Variants in GALK2 observed in about 807,000 individuals in gnomAD.
GALK2 encodes galactokinase 2.
GALK2 carries 36 observed loss-of-function variants against 52.4 expected under a neutral mutation model. The ratio of observed to expected loss-of-function variants is 0.69; its 90% confidence interval spans 0.53 to 0.91. The LOEUF is 0.91. GALK2 is among the 40% of genes least tolerant of loss of function. The pLI is 0.00. For synonymous variants in GALK2, 176 were observed against 199.1 expected (o/e 0.88, Z 0.98); for missense variants, 579 against 559.1 (o/e 1.04, Z -0.36).
At chr15:49,318,315 T>C (rs921526081) in intron 8 of GALK2, 1 of 152,164 alleles carries the variant, frequency 6.6e-6, no homozygotes, top group African/African-American at 2.4e-5. Context: ...AAAATACATA[T>C]ATGTGTCAAA....
intron 4 of GALK2, among the ~76,000 whole-genome samples, chr15:49,236,821 A>C (rs967567910): frequency 1.3e-5 from 2 of 152,248 alleles, no homozygotes; most frequent in African/African-American, 2.4e-5. Flanking sequence ...GAAACTTTGT[A>C]ATGAGCAGCT....
intron 1 of GALK2, among the ~76,000 whole-genome samples, chr15:49,189,608 A>T (rs1007805667): frequency 3.9e-5 from 6 of 152,224 alleles, no homozygotes; most frequent in Non-Finnish European, 7.3e-5. Flanking sequence ...CACTACTCAT[A>T]GGCTTTGGGG....
chr15:49,189,752 C>T (rs1015959403), intron 1 of GALK2, among the ~76,000 whole-genome samples: 1 of 152,184 alleles, frequency 6.6e-6, no homozygotes, highest in East Asian at 1.9e-4. Flanking sequence ...ATATGCTGGA[C>T]AAAGGGAAGA....
Position 49,193,327 on chromosome 15 carries a change from A to C in GALK2, c.54-7835A>C, listed in dbSNP as rs185544342. ...TATACCTTTTACACATTTTTCTATC[A>C]AGGCTTTGGTCTTTTTCACATGGTT... On this transcript the variant is annotated intron_variant, in intron 1 of 9. Transcript: ENST00000560031. 2.0e-5 allele frequency among the ~76,000 whole-genome samples: 3 copies of C among 150,320 alleles called. No individual in the cohort carries two copies. The East Asian group carries it at 5.8e-4, about 29-fold the overall frequency.
At chr15:49,344,459 T>C (rs1362511260) in intron 3 of GALK2, among the ~76,000 whole-genome samples, 1 of 152,198 alleles carries the variant, frequency 6.6e-6, no homozygotes, top group Non-Finnish European at 1.5e-5. Context: ...GTACTAACTT[T>C]ATTGTGTTTC....
At chr15:49,164,811 TAAAA>T in intron 1 of GALK2, among the ~76,000 whole-genome samples, 1 of 107,114 alleles carries the variant, frequency 9.3e-6, no homozygotes, top group Middle Eastern at 6.0e-3. Context: ...AAAAAAGAAA[TAAAA>T]AGGAAAAAAC....
At chr15:49,210,872 G>C (rs1181551036) in intron 2 of GALK2, among the ~76,000 whole-genome samples, 1 of 151,564 alleles carries the variant, frequency 6.6e-6, no homozygotes, top group Admixed American at 6.6e-5. Flanking sequence ...TCAGCGTCCT[G>C]AGTAGCTGGG....
intron 5 of GALK2, among the ~76,000 whole-genome samples, chr15:49,264,399 G>A (rs1461445079): frequency 2.0e-5 from 3 of 152,070 alleles, no homozygotes; most frequent in South Asian, 2.1e-4. Flanking sequence ...CGTAGTTCTC[G>A]AGCCTTGGCT....
intron 1 of GALK2, among the ~76,000 whole-genome samples, chr15:49,178,067 G>C (rs1163098795): frequency 1.3e-5 from 2 of 149,764 alleles, no homozygotes; most frequent in African/African-American, 4.9e-5. Context: ...TACTTGGGAG[G>C]CTGAGGCATG....
chr15:49,340,630 G>A (rs1288361815), intron 3 of GALK2, among the ~76,000 whole-genome samples: 3 of 152,068 alleles, frequency 2.0e-5, no homozygotes, highest in Non-Finnish European at 4.4e-5. Flanking sequence ...TGCTTGTTCA[G>A]TTCTTTAAGT....
chr15:49,219,086 C>T (rs565436609), intron 3 of GALK2, among the ~76,000 whole-genome samples: 1 of 152,196 alleles, frequency 6.6e-6, no homozygotes, highest in Non-Finnish European at 1.5e-5. Context: ...ATCAGCCTCC[C>T]AAAGTGCTGG....
At chr15:49,259,669 G>C (rs985461274) in intron 5 of GALK2, among the ~76,000 whole-genome samples, 2 of 148,320 alleles carry the variant, frequency 1.3e-5, no homozygotes, top group African/African-American at 2.5e-5. Flanking sequence ...ATGCTGGTGC[G>C]CTGCACCCAC....
chr15:49,235,079 T>C (rs1289827939), intron 3 of GALK2, among the ~76,000 whole-genome samples: 1 of 152,182 alleles, frequency 6.6e-6, no homozygotes, highest in Admixed American at 6.5e-5. Flanking sequence ...TACTATGTTT[T>C]TCCATTGTAG....
At chr15:49,201,051 G>GGC (rs2087709188) in intron 1 of GALK2, 111 bp from the exon 2 acceptor site, 2 of 442,336 alleles carry the variant, frequency 4.5e-6, no homozygotes, top group East Asian at 7.9e-5. Context: ...GCAGGCATAT[G>GGC]GAGTGTGTGT....
intron 1 of GALK2, among the ~76,000 whole-genome samples, chr15:49,172,723 A>C (rs1026960522): frequency 6.6e-6 from 1 of 152,104 alleles, no homozygotes; most frequent in Non-Finnish European, 1.5e-5. Context: ...ATAGAAATTG[A>C]AGTTCTAATA....
intron 3 of GALK2, among the ~76,000 whole-genome samples, chr15:49,352,014 T>C (rs2042325660): frequency 6.6e-6 from 1 of 152,218 alleles, no homozygotes; most frequent in Admixed American, 6.5e-5. Context: ...GAGTCTATCA[T>C]GTAGTTGAGG....
intron 5 of GALK2, among the ~76,000 whole-genome samples, chr15:49,276,965 C>T (rs796532985): frequency 0.027 from 364 of 13,636 alleles, no homozygotes; most frequent in African/African-American, 0.03. Flanking sequence ...TTCTTTTTTT[C>T]TTTTCTTTTT....
intron 1 of GALK2, among the ~76,000 whole-genome samples, chr15:49,183,037 C>T (rs956832984): frequency 3.3e-5 from 5 of 152,046 alleles, no homozygotes; most frequent in Non-Finnish European, 1.5e-5. Context: ...ACTTTTAGGA[C>T]ATTAGACAAA....
chr15:49,282,773 A>T (rs2032878977), intron 6 of GALK2, among the ~76,000 whole-genome samples: 1 of 152,196 alleles, frequency 6.6e-6, no homozygotes, highest in Admixed American at 6.5e-5. Flanking sequence ...ATTTTCCAAG[A>T]ACACCTGGAT....
Sources: allele counts gnomAD v4.1 joint callset (sites outside exome capture counted in the v4.1 genomes callset), GRCh38; gene constraint gnomAD v4.1.1; transcripts MANE v1.5; gene names NCBI Gene and HGNC (gene_info 2026-07-23, HGNC 2026-07-21).